MTUS2: variants seen among roughly 807,000 people sequenced by gnomAD.
The protein encoded by MTUS2 is microtubule associated scaffold protein 2, also known as microtubule-associated tumor suppressor candidate 2.
In MTUS2, 40 loss-of-function variants were observed where a neutral mutation model predicts 114.1. The ratio of observed to expected loss-of-function variants is 0.35; its 90% CI spans 0.27 to 0.46. The LOEUF (loss-of-function observed/expected upper bound fraction) is 0.46, where lower values mean the gene tolerates loss of function less well. Among genes scored for constraint, MTUS2 ranks in the 20% least tolerant of loss-of-function variants. MTUS2 has a pLI of 1.00. For missense variants in MTUS2, 1,679 were observed against 1,705.4 expected (o/e 0.98, Z 0.27); for synonymous variants, 688 against 672.0 (o/e 1.02, Z -0.37).
chr13:29,164,230 C>G (rs911555225), intron 5 of MTUS2, among the ~76,000 whole-genome samples: 1 of 152,212 alleles, frequency 6.6e-6, no homozygotes, highest in Non-Finnish European at 1.5e-5. Context: ...GCCCTGTGCC[C>G]GCAACAGGCT....
At chr13:29,161,285 G>A (rs1312723158) in intron 5 of MTUS2, among the ~76,000 whole-genome samples, 2 of 152,132 alleles carry the variant, frequency 1.3e-5, no homozygotes, top group African/African-American at 4.8e-5. Context: ...TTGCTACTGG[G>A]GGGAACTGAG....
intron 9 of MTUS2, among the ~76,000 whole-genome samples, chr13:29,457,198 T>C (rs769407691): frequency 6.6e-5 from 10 of 151,728 alleles, no homozygotes; most frequent in Non-Finnish European, 1.3e-4. Context: ...TATTTTTAAA[T>C]GTTCAGTTTG....
chr13:28,979,614 A>G (rs187936713), intron 2 of MTUS2, among the ~76,000 whole-genome samples: 42 of 152,286 alleles, frequency 2.8e-4, no homozygotes, highest in African/African-American at 1.0e-3. Flanking sequence ...ATGGTAAAAC[A>G]TGTAGTCACC....
intron 5 of MTUS2, among the ~76,000 whole-genome samples, chr13:29,269,119 A>G (rs1469981968): frequency 1.3e-5 from 2 of 152,246 alleles, no homozygotes; most frequent in Non-Finnish European, 1.5e-5. Context: ...AATAAAATTA[A>G]TGAATATAGT....
intron 8 of MTUS2, among the ~76,000 whole-genome samples, chr13:29,421,360 G>T (rs897339267): frequency 1.3e-5 from 2 of 152,200 alleles, no homozygotes; most frequent in East Asian, 3.9e-4. Context: ...CAAATAAACA[G>T]ATGGTTGCCT....
intron 2 of MTUS2, among the ~76,000 whole-genome samples, chr13:28,973,781 G>C (rs1172434691): frequency 6.6e-6 from 1 of 152,188 alleles, no homozygotes; most frequent in African/African-American, 2.4e-5. Context: ...GAGAGGCTGG[G>C]ATCTTTCTAG....
At chr13:29,162,400 T>C (rs1385959822) in intron 5 of MTUS2, among the ~76,000 whole-genome samples, 1 of 152,232 alleles carries the variant, frequency 6.6e-6, no homozygotes, top group East Asian at 1.9e-4. Flanking sequence ...CTCTTTTTTT[T>C]TGGTCCTGAT....
intron 5 of MTUS2, among the ~76,000 whole-genome samples, chr13:29,252,184 AT>A (rs1897144146): frequency 6.6e-6 from 1 of 151,850 alleles, no homozygotes; most frequent in South Asian, 2.1e-4. Context: ...TCTAAATACT[AT>A]TATAATATAA....
intron 5 of MTUS2, among the ~76,000 whole-genome samples, chr13:29,260,702 T>C (rs756884111): frequency 2.6e-5 from 4 of 152,260 alleles, no homozygotes; most frequent in Admixed American, 6.5e-5. Context: ...AGTCTCGTTT[T>C]ACACTGAGAC....
chr13:29,221,019 G>C (rs909204685), intron 5 of MTUS2, among the ~76,000 whole-genome samples: 1 of 152,196 alleles, frequency 6.6e-6, no homozygotes, highest in East Asian at 1.9e-4. Flanking sequence ...AACAATAGAG[G>C]TGTGAATATC....
intron 11 of MTUS2, among the ~76,000 whole-genome samples, chr13:29,491,812 T>G (rs1882125529): frequency 9.2e-6 from 1 of 109,240 alleles, no homozygotes; most frequent in Non-Finnish European, 2.1e-5. Flanking sequence ...GTGATGTGTG[T>G]GGGGTAGGTG....
chr13:29,085,434 T>G (rs1020313643), intron 4 of MTUS2, among the ~76,000 whole-genome samples: 1 of 152,200 alleles, frequency 6.6e-6, no homozygotes, highest in Non-Finnish European at 1.5e-5. Context: ...CTCATTCATT[T>G]GTCACCCTCC....
At chr13:29,078,802 A>G (rs1389640988) in intron 4 of MTUS2, among the ~76,000 whole-genome samples, 2 of 152,236 alleles carry the variant, frequency 1.3e-5, no homozygotes, top group African/African-American at 4.8e-5. Context: ...ATTCCAGTGT[A>G]TAGGTAATCC....
intron 9 of MTUS2, among the ~76,000 whole-genome samples, chr13:29,467,833 G>A (rs1345236480): frequency 5.3e-5 from 8 of 152,184 alleles, no homozygotes; most frequent in East Asian, 1.9e-4. Context: ...CATAAAATGC[G>A]GCCAGGCGCA....
intron 5 of MTUS2, among the ~76,000 whole-genome samples, chr13:29,144,703 A>G (rs927703573): frequency 3.9e-5 from 6 of 152,174 alleles, no homozygotes; most frequent in Admixed American, 2.6e-4. Context: ...TCCTTGAGTT[A>G]GCAAGATGAA....
At chr13:29,432,333 G>A (rs1355841059) in intron 8 of MTUS2, among the ~76,000 whole-genome samples, 1 of 152,054 alleles carries the variant, frequency 6.6e-6, no homozygotes, top group Non-Finnish European at 1.5e-5. Context: ...ATGAAGCCAG[G>A]AGCTCTACAT....
At chr13:29,330,768 G>C (rs1900737066) in intron 7 of MTUS2, among the ~76,000 whole-genome samples, 1 of 152,042 alleles carries the variant, frequency 6.6e-6, no homozygotes, top group African/African-American at 2.4e-5. Flanking sequence ...TATTTCTGAG[G>C]CCTTTATTCT....
intron 4 of MTUS2, among the ~76,000 whole-genome samples, chr13:29,077,562 TACTC>T (rs1186801078): frequency 3.3e-5 from 5 of 152,178 alleles, no homozygotes; most frequent in Non-Finnish European, 7.4e-5. Context: ...CCATAGCACT[TACTC>T]TCACCTCTAT....
intron 2 of MTUS2, among the ~76,000 whole-genome samples, chr13:28,912,641 A>G (rs1398223355): frequency 6.6e-6 from 1 of 152,108 alleles, no homozygotes; most frequent in Admixed American, 6.6e-5. Flanking sequence ...CTTCCTATCC[A>G]TGAGCATGGA....
Sources: gnomAD v4.1 joint callset for allele counts (sites outside exome capture counted in the v4.1 genomes callset) on GRCh38, gnomAD v4.1.1 for gene constraint, MANE v1.5 for transcripts, NCBI Gene and HGNC (gene_info 2026-07-23, HGNC 2026-07-21) for gene names.